The following SH3YL1 variants were observed in gnomAD, a reference collection of about 807,000 sequenced individuals.
SH3YL1 encodes SH3 domain-containing YSC84-like protein 1.
SH3YL1 carries 41 observed loss-of-function variants against 45.8 expected under a neutral mutation model. The ratio of observed to expected loss-of-function variants is 0.89; its 90% CI spans 0.70 to 1.16. The LOEUF is 1.16. Ranked by LOEUF, SH3YL1 falls within the 50% of genes most tolerant of loss-of-function variation. The pLI is 0.00. For missense variants in SH3YL1, 389 were observed against 409.6 expected, an observed-to-expected ratio of 0.95 and a Z score of 0.43; for synonymous variants, 152 against 151.4, an observed-to-expected ratio of 1.00 and a Z score of -0.03.
In SH3YL1 at chr2:229,947, T is replaced by C. The variant is rs1322579693; in HGVS notation, c.781+19A>G. The stretch of plus-strand genomic sequence containing the variant: ...TTACTTAATTACAACTGTATTTGAA[T>C]TGCAACAAAAATATTTACTTTGAGA... On this transcript the variant is annotated intron_variant, in intron 8 of 9. Transcript: ENST00000356150. 9 of 1,596,722 alleles carry C rather than the reference T, an allele frequency of 5.6e-6. No individual in the cohort carries two copies. The highest frequency in any genetic ancestry group is 1.7e-5 in the Admixed American group (1 of 59,852).
chr2:262,711 C>T, intron 1 of SH3YL1: 1 of 1,294,368 alleles, frequency 7.7e-7, no homozygotes, highest in Non-Finnish European at 1.0e-6. Flanking sequence ...TTGACTGCCT[C>T]AACTTCCTAT....
chr2:244,945 C>G (rs1185620083), intron 4 of SH3YL1, among the ~76,000 whole-genome samples: 2 of 152,080 alleles, frequency 1.3e-5, no homozygotes, highest in Non-Finnish European at 2.9e-5. Flanking sequence ...AAGGACGTGT[C>G]TACCCTCCAG....
At chr2:242,824 G>T in intron 4 of SH3YL1, 2 of 1,533,738 alleles carry the variant, frequency 1.3e-6, no homozygotes, top group Non-Finnish European at 8.8e-7. Flanking sequence ...AAAGGATGGA[G>T]AAAGATGTGT....
intron 7 of SH3YL1, chr2:230,656 G>A (rs549244596): frequency 1.8e-5 from 5 of 275,328 alleles, no homozygotes; most frequent in South Asian, 8.2e-5. Flanking sequence ...ATGGGCACAC[G>A]CCACCATGCC....
In SH3YL1 at chr2:262,855, CA is replaced by C. The variant is rs1669642752; in HGVS notation, c.1+1128del. 6 of 526,684 alleles carry C rather than the reference CA, an allele frequency of 1.1e-5. No homozygotes were observed. In the South Asian group the frequency reaches 1.4e-4, roughly 12 times the overall value. 32.6% of individuals were successfully genotyped at this position (526,684 alleles called of 1,614,324 possible). On this transcript the variant is annotated intron_variant, in intron 1 of 9. Coordinates refer to ENST00000356150, the MANE Select transcript of SH3YL1 (RefSeq NM_015677.4). ...TTATTTTAAACTTTTTTTTAACTTA[CA>C]AAAGATGAGGGGTAACATTTACTAG...
chr2:219,071 T>C, intron 9 of SH3YL1, 70 bp from the exon 10 acceptor site: 1 of 1,347,000 alleles, frequency 7.4e-7, no homozygotes, highest in Non-Finnish European at 1.0e-6. Flanking sequence ...GCTGGTAAGA[T>C]AAAAATTAAC....
At chr2:243,500 T>C in intron 4 of SH3YL1, 1 of 1,536,616 alleles carries the variant, frequency 6.5e-7, no homozygotes, top group East Asian at 2.5e-5. Flanking sequence ...AGACACAACA[T>C]ACCCACACTT....
chr2:235,036 C>T (rs182498362), intron 4 of SH3YL1, among the ~76,000 whole-genome samples: 80 of 152,240 alleles, frequency 5.3e-4, no homozygotes, highest in Non-Finnish European at 7.8e-4. Context: ...TCACCATGTC[C>T]GGCTAATTTT....
chr2:225,770 A>G (rs1667763770), intron 8 of SH3YL1, among the ~76,000 whole-genome samples: 1 of 152,242 alleles, frequency 6.6e-6, no homozygotes, highest in African/African-American at 2.4e-5. Flanking sequence ...GTAGAAATAG[A>G]AAAGTGCATT....
rs545040069 is a variant in SH3YL1, at chr2:255,063, G to A, written c.2-1948C>T. On this transcript the variant is annotated intron_variant, in intron 1 of 9. Coordinates refer to ENST00000356150, the MANE Select transcript of SH3YL1 (RefSeq NM_015677.4). ...TATAAAACCAAACTATACTCAAATC[G>A]CCTTGAGCACGTCATCAGGACCTCC... Among the ~76,000 whole-genome samples the A allele has an allele frequency of 4.7e-4, 71 of 152,176 alleles. No homozygotes were observed. In the Middle Eastern group the frequency reaches 0.01, roughly 22 times the overall value.
intron 1 of SH3YL1, chr2:256,698 A>AAAAG (rs1669347879): frequency 6.6e-6 from 1 of 152,258 alleles, no homozygotes; most frequent in Non-Finnish European, 1.5e-5. Context: ...CATCTCAAAA[A>AAAAG]AAAGAAAAAG....
intron 3 of SH3YL1, among the ~76,000 whole-genome samples, chr2:247,931 T>C (rs531521664): frequency 6.6e-6 from 1 of 152,310 alleles, no homozygotes; most frequent in East Asian, 1.9e-4. Context: ...ACTGTCAATA[T>C]TTTTATAGAA....
At chr2:238,226 C>T (rs1308755663) in intron 4 of SH3YL1, among the ~76,000 whole-genome samples, 1 of 151,976 alleles carries the variant, frequency 6.6e-6, no homozygotes, top group Non-Finnish European at 1.5e-5. Context: ...CTAAAAGCCT[C>T]ACTACATGGG....
chr2:247,324 A>G (rs1301195787), intron 4 of SH3YL1, among the ~76,000 whole-genome samples: 15 of 152,252 alleles, frequency 9.9e-5, no homozygotes, highest in African/African-American at 3.4e-4. Context: ...ATGGCGAATG[A>G]AAGAAATCCT....
Position 264,027 on chromosome 2 carries a change from G to C in SH3YL1, c.-43C>G, listed in dbSNP as rs957525513. On this transcript the variant is annotated 5_prime_UTR_variant, in exon 1 of 10. Coordinates refer to ENST00000356150, the MANE Select transcript of SH3YL1 (RefSeq NM_015677.4). Reference sequence around the variant, plus strand: ...GGCGCCCCGTCCCGAGGCTGCCCAGGAAGAGGAAGGCGCGCTGCCCCGCCC... The same window carrying C: ...GGCGCCCCGTCCCGAGGCTGCCCAGCAAGAGGAAGGCGCGCTGCCCCGCCC... 11 of 1,395,556 alleles carry C rather than the reference G, an allele frequency of 7.9e-6. No individual in the cohort carries two copies. The highest frequency in any genetic ancestry group is 1.6e-5 in the South Asian group (1 of 63,490). 86.4% of individuals were successfully genotyped at this position (1,395,556 alleles called of 1,614,324 possible).
rs1450346553 is a variant in SH3YL1 at position 253,085 on chromosome 2, G to T, written c.32C>A (p.Ser11Ter). MNNPIPSNLK[S>*]EAKKAAKILR... ...TATTTTGGCAGCCTTTTTTGCTTCT[G>T]ATTTCAAATTGGAAGGTATAGGGTT... The change falls in exon 2 of 10, where the codon TCA becomes TAA. Residue 11 changes from serine (S) to a stop codon, truncating the protein, a stop_gained. Transcript: ENST00000356150. LOFTEE classifies it high-confidence loss of function. The T allele has an allele frequency of 1.9e-6, 3 of 1,547,054 alleles. No individual in the cohort carries two copies. Among genetic ancestry groups the T allele is most frequent in the Non-Finnish European group, 2.6e-6 (3 of 1,143,078 alleles).
intron 1 of SH3YL1, chr2:260,647 C>A (rs1352865146): frequency 6.6e-6 from 1 of 152,244 alleles, no homozygotes; most frequent in South Asian, 2.1e-4. Context: ...CAAAGCCAGA[C>A]TGAAGTCACA....
chr2:250,606 T>C (rs1669032735), intron 2 of SH3YL1, among the ~76,000 whole-genome samples: 1 of 152,240 alleles, frequency 6.6e-6, no homozygotes, highest in African/African-American at 2.4e-5. Flanking sequence ...AAGCCTAACA[T>C]ATAACTTTAA....
chr2:237,637 T>C (rs1668364298), intron 4 of SH3YL1, among the ~76,000 whole-genome samples: 1 of 152,160 alleles, frequency 6.6e-6, no homozygotes, highest in Non-Finnish European at 1.5e-5. Context: ...AGGGTGAGTA[T>C]GGTTCACAAT....
Sources: allele counts gnomAD v4.1 joint callset (sites outside exome capture counted in the v4.1 genomes callset), GRCh38; gene constraint gnomAD v4.1.1; transcripts MANE v1.5; gene names NCBI Gene and HGNC (gene_info 2026-07-23, HGNC 2026-07-21).